Variants in IGSF21 observed in about 807,000 individuals in gnomAD.
The protein encoded by IGSF21 is immunoglobulin superfamily member 21.
In IGSF21, 28 loss-of-function variants were observed where a neutral mutation model predicts 46.8. That is an observed-to-expected ratio of 0.60 (90% CI 0.44 to 0.82). IGSF21 has a LOEUF of 0.82. Ranked by LOEUF, IGSF21 falls within the 40% of genes least tolerant of loss-of-function variation. The probability of loss-of-function intolerance (pLI) is 0.00; values close to 1 mark genes in which losing one functional copy is unlikely to be tolerated. For synonymous variants in IGSF21, 284 were observed against 273.6 expected (o/e 1.04, Z -0.38); for missense variants, 624 against 665.5 (o/e 0.94, Z 0.69).
At position 18,108,172 on chromosome 1, in the gene IGSF21, T is replaced by G; in HGVS notation, c.44T>G (p.Leu15Arg). 6.9e-7 allele frequency: 1 copy of G among 1,448,694 alleles called. No homozygotes were observed. Among genetic ancestry groups the G allele is most frequent in the Non-Finnish European group, 9.1e-7 (1 of 1,104,138 alleles). The allele number at this position is 1,448,694 out of a possible 1,614,324, so 89.7% of individuals were successfully genotyped here. A position where few individuals can be genotyped will look rare whatever the true frequency, so the allele number is the denominator to read the frequency against. ...PSLRRCVCLL[L>R]AAILDLARGY... ...CTCCGCCGCTGCGTCTGCCTGCTGC[T>G]CGCCGCGATCCTGGACCTGGCGCGC... Residue 15 changes from leucine (L) to arginine (R), a missense_variant, in exon 1 of 10, where the codon CTC becomes CGC. Transcript: ENST00000251296.
intron 2 of IGSF21, among the ~76,000 whole-genome samples, chr1:18,243,531 C>T (rs1184152970): frequency 1.3e-5 from 2 of 152,180 alleles, no homozygotes; most frequent in Admixed American, 6.5e-5. Context: ...CACTCTTGTC[C>T]CCTCAGCCCC....
At chr1:18,292,394 G>A (rs2124566489) in intron 3 of IGSF21, among the ~76,000 whole-genome samples, 1 of 152,376 alleles carries the variant, frequency 6.6e-6, no homozygotes, top group African/African-American at 2.4e-5. Context: ...ACATTCTACT[G>A]TTTTTTGTGT....
At position 18,341,076 on chromosome 1, in the gene IGSF21, T is replaced by TCTC. The variant is rs67935132; in HGVS notation, c.424+6084_424+6086dup. On this transcript the variant is annotated intron_variant, in intron 4 of 9. Transcript: ENST00000251296. Reference sequence around the variant, plus strand: ...CTCTTCCTCTTCTTCTTCTTCTTCTTCTCCTCCTCCTCCTCCTCCTTCTCC... The same window carrying TCTC: ...CTCTTCCTCTTCTTCTTCTTCTTCTTCTCCTCCTCCTCCTCCTCCTCCTTCTCC... Among the ~76,000 whole-genome samples the TCTC allele has an allele frequency of 2.6e-3, 255 of 98,474 alleles. 3 individuals carry two copies. Among genetic ancestry groups the TCTC allele is most frequent in the African/African-American group, 9.9e-3 (247 of 25,036 alleles). The allele number at this position is 98,474 out of a possible 152,430, so 64.6% of individuals were successfully genotyped here.
At chr1:18,256,244 C>T (rs1034105663) in intron 2 of IGSF21, among the ~76,000 whole-genome samples, 3 of 152,230 alleles carry the variant, frequency 2.0e-5, no homozygotes, top group Non-Finnish European at 4.4e-5. Context: ...AATCTTTCCT[C>T]AACTGCCAAG....
At chr1:18,300,653 C>T (rs577031514) in intron 3 of IGSF21, among the ~76,000 whole-genome samples, 115 of 152,322 alleles carry the variant, frequency 7.5e-4, no homozygotes, top group African/African-American at 2.5e-3. Context: ...CTAAACTCCT[C>T]AGGAAGTGAG....
At chr1:18,293,012 C>T (rs906534160) in intron 3 of IGSF21, among the ~76,000 whole-genome samples, 3 of 152,330 alleles carry the variant, frequency 2.0e-5, no homozygotes, top group South Asian at 2.1e-4. Flanking sequence ...ACTGCAGCCC[C>T]GGCAAGCCCA....
chr1:18,259,170 G>A (rs997448589), intron 2 of IGSF21, among the ~76,000 whole-genome samples: 11 of 152,210 alleles, frequency 7.2e-5, no homozygotes, highest in Admixed American at 7.2e-4. Context: ...ACATGACTGA[G>A]GCCAGTTTAT....
At position 18,164,482 on chromosome 1, in the gene IGSF21, G is replaced by A. The variant is rs138862876; in HGVS notation, c.70+56284G>A. 7.6e-4 allele frequency among the ~76,000 whole-genome samples: 116 copies of A among 151,672 alleles called. 1 individual carries two copies. The highest frequency in any genetic ancestry group is 2.7e-3 in the African/African-American group (111 of 41,308). On this transcript the variant is annotated intron_variant, in intron 1 of 9. Coordinates refer to ENST00000251296, the MANE Select transcript of IGSF21 (RefSeq NM_032880.5). ...TATTGATAAATTGCCCTCTACAGAG[G>A]TTGTACAATTTACGCTCCCCCCAGC...
At chr1:18,167,593 C>T (rs1268767858) in intron 1 of IGSF21, among the ~76,000 whole-genome samples, 1 of 152,122 alleles carries the variant, frequency 6.6e-6, no homozygotes, top group Non-Finnish European at 1.5e-5. Context: ...CCTTTCCCAC[C>T]GTGAGTGGAT....
intron 1 of IGSF21, among the ~76,000 whole-genome samples, chr1:18,140,431 C>A (rs1259550819): frequency 2.6e-5 from 4 of 152,164 alleles, no homozygotes; most frequent in Non-Finnish European, 5.9e-5. Context: ...TTCTCACAGT[C>A]TGCATCTCGG....
At chr1:18,136,066 A>AG (rs2086365762) in intron 1 of IGSF21, among the ~76,000 whole-genome samples, 1 of 152,200 alleles carries the variant, frequency 6.6e-6, no homozygotes. Flanking sequence ...TCTTCTTTTG[A>AG]GGAATGTCTG....
intron 2 of IGSF21, among the ~76,000 whole-genome samples, chr1:18,285,336 G>A (rs371285059): frequency 1.7e-4 from 26 of 152,188 alleles, no homozygotes; most frequent in African/African-American, 5.8e-4. Flanking sequence ...CACCGGCCAC[G>A]CTTTGATGAC....
chr1:18,136,637 C>A (rs1431399872), intron 1 of IGSF21, among the ~76,000 whole-genome samples: 1 of 152,204 alleles, frequency 6.6e-6, no homozygotes, highest in Admixed American at 6.5e-5. Context: ...GGTACCAGTA[C>A]CATGCTGTTT....
intron 1 of IGSF21, among the ~76,000 whole-genome samples, chr1:18,183,999 G>A (rs183422347): frequency 4.6e-5 from 7 of 152,186 alleles, no homozygotes; most frequent in East Asian, 1.9e-4. Flanking sequence ...GGTATTTGCC[G>A]AACACCAGTT....
At chr1:18,324,370 T>A (rs2085636735) in intron 3 of IGSF21, among the ~76,000 whole-genome samples, 1 of 152,234 alleles carries the variant, frequency 6.6e-6, no homozygotes, top group Non-Finnish European at 1.5e-5. Context: ...ACTGAGCACG[T>A]ACTCCACATC....
chr1:18,195,726 A>G (rs775258199), intron 1 of IGSF21, among the ~76,000 whole-genome samples: 1 of 152,216 alleles, frequency 6.6e-6, no homozygotes, highest in Non-Finnish European at 1.5e-5. Context: ...TACACTGCGG[A>G]TTCACTGATT....
At chr1:18,236,035 G>A (rs999968836) in intron 2 of IGSF21, among the ~76,000 whole-genome samples, 5 of 152,180 alleles carry the variant, frequency 3.3e-5, no homozygotes, top group Non-Finnish European at 7.3e-5. Flanking sequence ...TTGGGGCTTC[G>A]GCTGGGTTTG....
intron 4 of IGSF21, among the ~76,000 whole-genome samples, chr1:18,341,970 A>T (rs2085845965): frequency 6.6e-6 from 1 of 151,958 alleles, no homozygotes; most frequent in South Asian, 2.1e-4. Context: ...ATGTTAATGA[A>T]CTTTACATGA....
intron 6 of IGSF21, among the ~76,000 whole-genome samples, chr1:18,371,192 G>A (rs2124637012): frequency 6.6e-6 from 1 of 152,316 alleles, no homozygotes. Flanking sequence ...AAACGTATTT[G>A]TAGTATATTC....
Sources: allele counts gnomAD v4.1 joint callset (sites outside exome capture counted in the v4.1 genomes callset), GRCh38; gene constraint gnomAD v4.1.1; transcripts MANE v1.5; gene names NCBI Gene and HGNC (gene_info 2026-07-23, HGNC 2026-07-21).